NXPE2: variants seen among roughly 807,000 people sequenced by gnomAD.
NXPE2 encodes neurexophilin and PC-esterase domain family member 2.
In NXPE2, 34 loss-of-function variants were observed where a neutral mutation model predicts 34.4. That is an observed-to-expected ratio of 0.99 (90% confidence interval 0.75 to 1.31). NXPE2 has a LOEUF of 1.31. NXPE2 is among the 40% of genes most tolerant of loss of function. NXPE2 has a pLI of 0.00. For synonymous variants in NXPE2, 235 were observed against 231.3 expected, an observed-to-expected ratio of 1.02 and a Z score of -0.15; for missense variants, 649 against 672.5, an observed-to-expected ratio of 0.97 and a Z score of 0.39.
chr11:114,589,794 G>C, the NXPE2 span, among the ~76,000 whole-genome samples: 1 of 152,086 alleles, frequency 6.6e-6, no homozygotes, highest in African/African-American at 2.4e-5. Flanking sequence ...ATAACCTGAA[G>C]ATGCAGGGCC....
chr11:114,544,206 A>AT, the NXPE2 span, among the ~76,000 whole-genome samples: 1 of 152,132 alleles, frequency 6.6e-6, no homozygotes, highest in Non-Finnish European at 1.5e-5. Flanking sequence ...AATCCCAGCA[A>AT]TTTTTTTGTA....
chr11:114,502,170 A>G, the NXPE2 span, among the ~76,000 whole-genome samples: 1 of 152,164 alleles, frequency 6.6e-6, no homozygotes, highest in Non-Finnish European at 1.5e-5. Context: ...ATATGTGACC[A>G]TTTTATATCT....
the NXPE2 span, among the ~76,000 whole-genome samples, chr11:114,721,401 G>A: frequency 6.5e-4 from 99 of 152,210 alleles, no homozygotes; most frequent in East Asian, 9.5e-3. Flanking sequence ...CTGATCATCC[G>A]TGTTGGTGGG....
the NXPE2 span, among the ~76,000 whole-genome samples, chr11:114,730,678 C>G: frequency 6.6e-5 from 10 of 152,110 alleles, no homozygotes; most frequent in Non-Finnish European, 1.5e-4. Flanking sequence ...GAATTGCATT[C>G]TTGATTTGGC....
At chr11:114,600,954 A>T in the NXPE2 span, among the ~76,000 whole-genome samples, 6 of 152,058 alleles carry the variant, frequency 3.9e-5, no homozygotes, top group African/African-American at 1.4e-4. Context: ...TTCAGTTTCC[A>T]CATATCGTAT....
Position 114,698,025 on chromosome 11 carries a change from T to C in NXPE2, c.133-20T>C, listed in dbSNP as rs1045908161. 6 of 1,453,146 alleles carry C rather than the reference T, an allele frequency of 4.1e-6. No homozygotes were observed. Among genetic ancestry groups the C allele is most frequent in the Non-Finnish European group, 4.6e-6 (5 of 1,098,176 alleles). The allele number at this position is 1,453,146 out of a possible 1,614,324, so 90.0% of individuals were successfully genotyped here. On this transcript the variant is annotated intron_variant, in intron 2 of 5. Transcript: ENST00000389586. The stretch of plus-strand genomic sequence containing the variant: ...CTATTGTTTGCTGATGATATTTTCT[T>C]TTCCCTTTCAATATTTCAGTTCTCG...
the NXPE2 span, among the ~76,000 whole-genome samples, chr11:114,625,850 T>C: frequency 1.1e-4 from 16 of 152,172 alleles, no homozygotes; most frequent in African/African-American, 3.4e-4. Flanking sequence ...TGGTGAGGCA[T>C]TGCCTCACTC....
At chr11:114,566,932 T>C in the NXPE2 span, among the ~76,000 whole-genome samples, 2 of 152,198 alleles carry the variant, frequency 1.3e-5, no homozygotes, top group South Asian at 4.1e-4. Flanking sequence ...TTTGCCTTTG[T>C]ATACATTCTC....
chr11:114,707,909 A>G (rs1487074541), downstream of NXPE2, among the ~76,000 whole-genome samples: 1 of 152,178 alleles, frequency 6.6e-6, no homozygotes, highest in Non-Finnish European at 1.5e-5. Flanking sequence ...TTCCGTTGTA[A>G]GTATGTACTA....
At chr11:114,620,761 C>T in the NXPE2 span, among the ~76,000 whole-genome samples, 1 of 152,148 alleles carries the variant, frequency 6.6e-6, no homozygotes, top group Admixed American at 6.5e-5. Context: ...AGTATTGCCT[C>T]ATGTCTAACC....
At chr11:114,469,109 C>CTTGTTTTTT in the NXPE2 span, among the ~76,000 whole-genome samples, 1 of 88,866 alleles carries the variant, frequency 1.1e-5, no homozygotes, top group African/African-American at 5.1e-5. Flanking sequence ...ACAGTGCTAG[C>CTTGTTTTTT]TTTTTTTTTT....
the NXPE2 span, among the ~76,000 whole-genome samples, chr11:114,752,061 G>T: frequency 6.6e-6 from 1 of 152,218 alleles, no homozygotes; most frequent in Admixed American, 6.5e-5. Context: ...TAATAAATTT[G>T]TGCTGTTTTA....
intron 3 of NXPE2, among the ~76,000 whole-genome samples, chr11:114,703,061 G>A (rs1204619000): frequency 6.6e-6 from 1 of 152,152 alleles, no homozygotes; most frequent in East Asian, 1.9e-4. Context: ...AGCTCACTGT[G>A]CTGGCACTCG....
chr11:114,795,862 C>T, the NXPE2 span, among the ~76,000 whole-genome samples: 6 of 152,210 alleles, frequency 3.9e-5, no homozygotes, highest in Non-Finnish European at 8.8e-5. Flanking sequence ...GGGGCTAAGG[C>T]CATAACTTCT....
chr11:114,511,566 T>C, the NXPE2 span, among the ~76,000 whole-genome samples: 4 of 152,222 alleles, frequency 2.6e-5, no homozygotes, highest in African/African-American at 9.7e-5. Context: ...CTGAGATTCA[T>C]GTAGCTGAAC....
chr11:114,577,678 A>T, the NXPE2 span, among the ~76,000 whole-genome samples: 1 of 152,160 alleles, frequency 6.6e-6, no homozygotes, highest in Non-Finnish European at 1.5e-5. Context: ...TTGGAGGATT[A>T]TGTGGTCAGT....
the NXPE2 span, among the ~76,000 whole-genome samples, chr11:114,649,639 A>G: frequency 6.6e-6 from 1 of 152,204 alleles, no homozygotes; most frequent in African/African-American, 2.4e-5. Flanking sequence ...ATACACCCCT[A>G]TGAAATATAA....
At chr11:114,491,093 C>T in the NXPE2 span, among the ~76,000 whole-genome samples, 3 of 140,662 alleles carry the variant, frequency 2.1e-5, no homozygotes, top group Admixed American at 7.3e-5. Flanking sequence ...ACCCGGGAAG[C>T]AGAGCTTGCA....
chr11:114,586,696 G>A, the NXPE2 span, among the ~76,000 whole-genome samples: 4 of 152,124 alleles, frequency 2.6e-5, no homozygotes, highest in Non-Finnish European at 5.9e-5. Context: ...TTACCTGAAG[G>A]TTTCTGGACT....
Sources: allele counts gnomAD v4.1 joint callset (sites outside exome capture counted in the v4.1 genomes callset), GRCh38; gene constraint gnomAD v4.1.1; transcripts MANE v1.5; gene names NCBI Gene and HGNC (gene_info 2026-07-23, HGNC 2026-07-21).